COL22A1: variants seen among roughly 807,000 people sequenced by gnomAD.
COL22A1 encodes collagen alpha-1(XXII) chain.
In COL22A1, 221 loss-of-function variants were observed where a neutral mutation model predicts 248.9. That is an observed-to-expected ratio of 0.89 (90% CI 0.80 to 0.99). The LOEUF is 0.99. Ranked by LOEUF, COL22A1 falls within the 50% of genes least tolerant of loss-of-function variation. COL22A1 has a pLI of 0.00. For synonymous variants in COL22A1, 891 were observed against 793.4 expected (o/e 1.12, Z -2.07); for missense variants, 2,240 against 2,179.0 (o/e 1.03, Z -0.56).
intron 48 of COL22A1, 124 bp downstream of exon 48, chr8:138,636,618 G>A: frequency 1.3e-6 from 1 of 748,748 alleles, no homozygotes; most frequent in Non-Finnish European, 2.3e-6. Context: ...ATAAAAATGA[G>A]ATTTTAAAAA....
intron 4 of COL22A1, among the ~76,000 whole-genome samples, chr8:138,838,356 A>G (rs1820594550): frequency 6.6e-6 from 1 of 152,050 alleles, no homozygotes; most frequent in South Asian, 2.1e-4. Context: ...GGGAGTGAGG[A>G]GAGCCTAAGA....
intron 1 of COL22A1, among the ~76,000 whole-genome samples, chr8:138,892,170 C>T (rs544250726): frequency 1.2e-3 from 187 of 152,284 alleles, no homozygotes; most frequent in Non-Finnish European, 1.5e-3. Flanking sequence ...GAAGTATTCC[C>T]TCTGCTTCTA....
intron 57 of COL22A1, among the ~76,000 whole-genome samples, chr8:138,607,677 T>C (rs1818527482): frequency 6.6e-6 from 1 of 152,132 alleles, no homozygotes; most frequent in African/African-American, 2.4e-5. Flanking sequence ...TTTTAAAAAA[T>C]GTTTGTTTTG....
intron 3 of COL22A1, among the ~76,000 whole-genome samples, chr8:138,871,276 C>T (rs1823321850): frequency 6.6e-6 from 1 of 152,128 alleles, no homozygotes. Flanking sequence ...TCAGGACTGC[C>T]CCCGGATGCC....
intron 60 of COL22A1, among the ~76,000 whole-genome samples, chr8:138,599,386 G>A (rs1817816796): frequency 6.6e-6 from 1 of 152,172 alleles, no homozygotes; most frequent in Middle Eastern, 3.2e-3. Flanking sequence ...GGCTGAGGCA[G>A]GAGAATGGCG....
In COL22A1 at chr8:138,730,145, C is replaced by T. The variant is rs567130582; in HGVS notation, c.2140-4705G>A. Among the ~76,000 whole-genome samples the T allele has an allele frequency of 7.2e-5, 11 of 152,358 alleles. No individual in the cohort carries two copies. In the East Asian group the frequency reaches 1.9e-3, roughly 27 times the overall value. ...GGATTTTGTCCATATTACCACAAGG[C>T]CCCTGGACAGTATCTGTCTCCCTGC... On this transcript the variant is annotated intron_variant, in intron 23 of 64. Coordinates refer to ENST00000303045, the MANE Select transcript of COL22A1 (RefSeq NM_152888.3).
chr8:138,777,959 G>A (rs1189454848), intron 15 of COL22A1: 1 of 327,638 alleles, frequency 3.1e-6, no homozygotes, highest in African/African-American at 2.2e-5. Context: ...ATACTGGACA[G>A]TCTGGCACTG....
intron 24 of COL22A1, among the ~76,000 whole-genome samples, 165 bp from the exon 25 acceptor site, chr8:138,724,833 T>A (rs187124797): frequency 6.6e-6 from 1 of 152,322 alleles, no homozygotes; most frequent in Non-Finnish European, 1.5e-5. Flanking sequence ...TTGTTGCACC[T>A]CTGAAGTTGA....
chr8:138,886,960 T>C (rs1026067285), intron 1 of COL22A1, among the ~76,000 whole-genome samples: 4 of 152,160 alleles, frequency 2.6e-5, no homozygotes, highest in African/African-American at 9.7e-5. Context: ...ATTTATGGGG[T>C]ACATGAGATG....
chr8:138,686,938 GGTTT>G (rs1296008185), intron 37 of COL22A1, among the ~76,000 whole-genome samples: 1 of 151,994 alleles, frequency 6.6e-6, no homozygotes, highest in Non-Finnish European at 1.5e-5. Flanking sequence ...TATTACATAA[GGTTT>G]GTTATTATTA....
rs149450894 is a variant in COL22A1 at position 138,730,407 on chromosome 8, G to A, written c.2140-4967C>T. 6.2e-3 allele frequency among the ~76,000 whole-genome samples: 941 copies of A among 152,166 alleles called. 2 individuals carry two copies. The highest frequency in any genetic ancestry group is 0.01 in the Admixed American group (158 of 15,286). ...CCTTCCCCCAGCCAACGCCTACTAC[G>A]TACCGCTGTGTTCTCTCTGGGGTCT... On this transcript the variant is annotated intron_variant, in intron 23 of 64. Coordinates refer to ENST00000303045, the MANE Select transcript of COL22A1 (RefSeq NM_152888.3).
chr8:138,615,390 G>A (rs1819225839), intron 55 of COL22A1, among the ~76,000 whole-genome samples: 1 of 152,072 alleles, frequency 6.6e-6, no homozygotes, highest in South Asian at 2.1e-4. Flanking sequence ...AATTAGCTGG[G>A]CATGGTGGCA....
At chr8:138,859,614 G>C (rs1265871227) in intron 3 of COL22A1, among the ~76,000 whole-genome samples, 2 of 152,172 alleles carry the variant, frequency 1.3e-5, no homozygotes, top group Non-Finnish European at 2.9e-5. Context: ...CTGAGACCTA[G>C]AGAGGGCAAG....
intron 7 of COL22A1, among the ~76,000 whole-genome samples, chr8:138,820,556 G>C (rs142326255): frequency 1.3e-5 from 2 of 152,172 alleles, no homozygotes; most frequent in Non-Finnish European, 2.9e-5. Flanking sequence ...AGGATGTTCA[G>C]TTATTGCCAG....
At chr8:138,895,126 C>T (rs1204239318) in intron 1 of COL22A1, among the ~76,000 whole-genome samples, 1 of 151,368 alleles carries the variant, frequency 6.6e-6, no homozygotes, top group Non-Finnish European at 1.5e-5. Context: ...ATCAGCAAGG[C>T]CCAGCCAGGA....
At position 138,769,183 on chromosome 8, in the gene COL22A1, A is replaced by G. The variant is rs201269088; in HGVS notation, c.1804-6717T>C. On this transcript the variant is annotated intron_variant, in intron 16 of 64. Coordinates refer to ENST00000303045, the MANE Select transcript of COL22A1 (RefSeq NM_152888.3). ...AAGGCCTGGATGTGATTTGTCTTCT[A>G]CCCCCTGCAGGGCCTGGCGTGCAGT... 1.1e-4 allele frequency among the ~76,000 whole-genome samples: 17 copies of G among 152,022 alleles called. No homozygotes were observed. The East Asian group carries it at 2.5e-3, about 23-fold the overall frequency.
At chr8:138,761,142 G>A (rs575751438) in intron 17 of COL22A1, among the ~76,000 whole-genome samples, 2 of 152,214 alleles carry the variant, frequency 1.3e-5, no homozygotes, top group South Asian at 4.1e-4. Flanking sequence ...TGAGACCCTC[G>A]CCGGCCAGCC....
intron 56 of COL22A1, among the ~76,000 whole-genome samples, chr8:138,610,701 C>T (rs1219761936): frequency 6.6e-6 from 1 of 152,140 alleles, no homozygotes; most frequent in East Asian, 1.9e-4. Flanking sequence ...TGAAGCCCTG[C>T]ACAATCTCAC....
At chr8:138,795,251 G>A (rs1179039654) in intron 12 of COL22A1, among the ~76,000 whole-genome samples, 1 of 152,294 alleles carries the variant, frequency 6.6e-6, no homozygotes, top group East Asian at 1.9e-4. Flanking sequence ...GAGAGTGGCG[G>A]AATGGAGACA....
Sources: gnomAD v4.1 joint callset for allele counts (sites outside exome capture counted in the v4.1 genomes callset) on GRCh38, gnomAD v4.1.1 for gene constraint, MANE v1.5 for transcripts, NCBI Gene and HGNC (gene_info 2026-07-23, HGNC 2026-07-21) for gene names.